Variants in SERGEF observed in about 807,000 individuals in gnomAD.
The protein encoded by SERGEF is secretion regulating guanine nucleotide exchange factor.
SERGEF carries 51 observed loss-of-function variants against 50.0 expected under a neutral mutation model. The ratio of observed to expected loss-of-function variants is 1.02; its 90% CI spans 0.81 to 1.29. The LOEUF (loss-of-function observed/expected upper bound fraction) is 1.29, where lower values mean the gene tolerates loss of function less well. SERGEF is among the 50% of genes most tolerant of loss of function. The probability of loss-of-function intolerance (pLI) is 0.00; values close to 1 mark genes in which losing one functional copy is unlikely to be tolerated. For synonymous variants in SERGEF, 205 were observed against 212.4 expected, an observed-to-expected ratio of 0.97 and a Z score of 0.30; for missense variants, 521 against 557.0, an observed-to-expected ratio of 0.94 and a Z score of 0.65.
chr11:17,797,220 G>C (rs1463801729), intron 10 of SERGEF, among the ~76,000 whole-genome samples: 1 of 152,154 alleles, frequency 6.6e-6, no homozygotes, highest in Admixed American at 6.5e-5. Context: ...ACAAGGCACT[G>C]CACTGTTTAG....
intron 9 of SERGEF, among the ~76,000 whole-genome samples, chr11:17,911,279 G>C (rs577320367): frequency 1.4e-5 from 2 of 147,452 alleles, no homozygotes; most frequent in African/African-American, 5.0e-5. Context: ...TTCATGTCTG[G>C]CTCTGGGAAG....
intron 8 of SERGEF, among the ~76,000 whole-genome samples, chr11:17,985,208 T>C (rs1420602512): frequency 6.6e-6 from 1 of 152,220 alleles, no homozygotes; most frequent in Non-Finnish European, 1.5e-5. Context: ...AACTACTAAG[T>C]CTTTAATTTA....
At chr11:17,900,579 T>G (rs1190542026) in intron 9 of SERGEF, among the ~76,000 whole-genome samples, 1 of 152,204 alleles carries the variant, frequency 6.6e-6, no homozygotes, top group South Asian at 2.1e-4. Context: ...CTTTTTAGCT[T>G]ATTGAGTCAA....
At chr11:17,996,328 T>C (rs1265807548) in intron 5 of SERGEF, among the ~76,000 whole-genome samples, 1 of 152,166 alleles carries the variant, frequency 6.6e-6, no homozygotes, top group Non-Finnish European at 1.5e-5. Flanking sequence ...GAAGAGAGGA[T>C]GCGATTTGTC....
rs138461321 is a variant in SERGEF, at chr11:17,976,403, A to C, written c.844+12194T>G. On this transcript the variant is annotated intron_variant, in intron 8 of 10. Coordinates refer to ENST00000265965, the MANE Select transcript of SERGEF (RefSeq NM_012139.4). The stretch of plus-strand genomic sequence containing the variant: ...AGGGTTCAAGTGATTCTCTTGCCTC[A>C]GCCTCCCGAGTAGATGGGACTACAG... 5.8e-3 allele frequency among the ~76,000 whole-genome samples: 872 copies of C among 151,032 alleles called. 9 individuals carry two copies. The highest frequency in any genetic ancestry group is 0.02 in the African/African-American group (825 of 40,994).
chr11:17,907,413 G>A (rs1851868852), intron 9 of SERGEF, among the ~76,000 whole-genome samples: 1 of 152,192 alleles, frequency 6.6e-6, no homozygotes, highest in South Asian at 2.1e-4. Flanking sequence ...CTACCATGGA[G>A]GGGTCAGTTC....
chr11:17,964,381 A>G (rs1328934411), intron 8 of SERGEF, among the ~76,000 whole-genome samples: 1 of 152,106 alleles, frequency 6.6e-6, no homozygotes, highest in Non-Finnish European at 1.5e-5. Flanking sequence ...CCATAGCTAT[A>G]GGTACAATGA....
At chr11:17,833,129 C>A (rs147287942) in intron 10 of SERGEF, among the ~76,000 whole-genome samples, 17 of 152,294 alleles carry the variant, frequency 1.1e-4, no homozygotes, top group Middle Eastern at 3.4e-3. Context: ...CCATCATAGG[C>A]CAGAAGGTCT....
chr11:17,911,251 T>C (rs1851945977), intron 9 of SERGEF, among the ~76,000 whole-genome samples: 1 of 150,322 alleles, frequency 6.7e-6, no homozygotes, highest in Non-Finnish European at 1.5e-5. Context: ...GTAACTTGTA[T>C]GAGTGATGGG....
intron 10 of SERGEF, among the ~76,000 whole-genome samples, chr11:17,796,382 C>A (rs1849572462): frequency 6.6e-6 from 1 of 152,142 alleles, no homozygotes; most frequent in Non-Finnish European, 1.5e-5. Flanking sequence ...AAACTTAATC[C>A]CCAATGCAAC....
chr11:17,899,841 A>T (rs1046785801), intron 9 of SERGEF, among the ~76,000 whole-genome samples: 3 of 151,900 alleles, frequency 2.0e-5, no homozygotes, highest in Non-Finnish European at 4.4e-5. Context: ...CTGTAGTCCT[A>T]GCTACTCAGG....
At position 17,961,608 on chromosome 11, in the gene SERGEF, C is replaced by G. The variant is rs1257150666; in HGVS notation, c.845-1972G>C. On this transcript the variant is annotated intron_variant, in intron 8 of 10. Transcript: ENST00000265965. ...CAGGCAAGACTGGCAGAATATGGTG[C>G]CACCATTATTATATCCCCAATAGCA... is the stretch of plus-strand genomic sequence containing the variant. Among the ~76,000 whole-genome samples the G allele has an allele frequency of 2.6e-5, 4 of 152,156 alleles. No homozygotes were observed. The East Asian group carries it at 7.7e-4, about 29-fold the overall frequency.
chr11:17,931,917 T>C (rs1852359627), intron 9 of SERGEF, among the ~76,000 whole-genome samples: 1 of 152,110 alleles, frequency 6.6e-6, no homozygotes, highest in Non-Finnish European at 1.5e-5. Context: ...GGTTTGAGAG[T>C]CACTGCCCTA....
intron 10 of SERGEF, among the ~76,000 whole-genome samples, chr11:17,817,972 A>G (rs1157827322): frequency 6.6e-6 from 1 of 152,202 alleles, no homozygotes; most frequent in Non-Finnish European, 1.5e-5. Context: ...CTCTTCCAGC[A>G]GGTGACTTTG....
At chr11:17,990,160 C>A (rs890435393) in intron 7 of SERGEF, among the ~76,000 whole-genome samples, 1 of 152,166 alleles carries the variant, frequency 6.6e-6, no homozygotes, top group Admixed American at 6.5e-5. Context: ...AAAAAACTGA[C>A]AGAAAGTCAA....
chr11:17,877,474 G>C (rs1266270558), intron 10 of SERGEF, among the ~76,000 whole-genome samples: 1 of 152,162 alleles, frequency 6.6e-6, no homozygotes, highest in Non-Finnish European at 1.5e-5. Context: ...TATGAGGTAG[G>C]CACTATTGCC....
intron 10 of SERGEF, among the ~76,000 whole-genome samples, chr11:17,824,232 C>T (rs571002549): frequency 4.6e-5 from 7 of 151,168 alleles, no homozygotes; most frequent in African/African-American, 1.2e-4. Context: ...ACCCAGGAGG[C>T]GGAGCTTGCA....
At chr11:17,892,628 G>A (rs944873653) in intron 9 of SERGEF, among the ~76,000 whole-genome samples, 8 of 152,312 alleles carry the variant, frequency 5.3e-5, no homozygotes, top group South Asian at 2.1e-4. Context: ...TTACTGTGGC[G>A]ATAGATAACT....
At chr11:17,948,707 G>A (rs1852717314) in intron 9 of SERGEF, among the ~76,000 whole-genome samples, 1 of 152,196 alleles carries the variant, frequency 6.6e-6, no homozygotes, top group Admixed American at 6.5e-5. Context: ...CCCTGTGGGA[G>A]CCACAGTAGC....
Sources: allele counts gnomAD v4.1 joint callset (sites outside exome capture counted in the v4.1 genomes callset), GRCh38; gene constraint gnomAD v4.1.1; transcripts MANE v1.5; gene names NCBI Gene and HGNC (gene_info 2026-07-23, HGNC 2026-07-21).